TMC2: variants seen among roughly 807,000 people sequenced by gnomAD.
The protein encoded by TMC2 is transmembrane channel-like protein 2.
Under a neutral mutation model 105.9 loss-of-function variants are expected in TMC2, and 102 were observed. The ratio of observed to expected loss-of-function variants is 0.96; its 90% CI spans 0.82 to 1.14. The LOEUF is 1.14. TMC2 is among the 50% of genes most tolerant of loss of function. The pLI is 0.00. For synonymous variants in TMC2, 402 were observed against 422.8 expected, an observed-to-expected ratio of 0.95 and a Z score of 0.60; for missense variants, 1,093 against 1,134.3, an observed-to-expected ratio of 0.96 and a Z score of 0.52.
chr20:2,584,443 C>CA (rs1161913633), intron 7 of TMC2, among the ~76,000 whole-genome samples: 7,849 of 69,782 alleles, frequency 0.11, 343 homozygotes, highest in Non-Finnish European at 0.17. Context: ...GACTCCGTCT[C>CA]AAAAAAAAAA....
intron 17 of TMC2, among the ~76,000 whole-genome samples, chr20:2,630,360 T>C (rs1315088160): frequency 6.6e-6 from 1 of 152,228 alleles, no homozygotes; most frequent in East Asian, 1.9e-4. Flanking sequence ...GCTTCGTATG[T>C]TTTAAGGCTG....
At chr20:2,606,891 C>CTTTTTTTTTTTTTTTTT (rs11476357) in intron 11 of TMC2, among the ~76,000 whole-genome samples, 27 of 83,970 alleles carry the variant, frequency 3.2e-4, no homozygotes, top group East Asian at 6.8e-4. Context: ...TTTCTTTTTT[C>CTTTTTTTTTTTTTTTTT]TTTTTTTTTT....
In TMC2 at chr20:2,579,967, G is replaced by A. The variant is rs201888815; in HGVS notation, c.745G>A (p.Val249Met). ...CTCTCTAGGTCACTTTGGTTCTTCA[G>A]TGGCATCGTATTTCATCTTTCTCCG... ...KDIESHFGSSVASYFIFLRWM... is the reference protein window; with the variant it reads ...KDIESHFGSSMASYFIFLRWM... Residue 249 changes from valine (V) to methionine (M), a missense_variant, in exon 7 of 20, where the codon GTG becomes ATG. By Grantham distance (21) the Val-to-Met change is conservative. Coordinates refer to ENST00000358864, the MANE Select transcript of TMC2 (RefSeq NM_080751.3). 1.9e-6 allele frequency: 3 copies of A among 1,613,906 alleles called. No homozygotes were observed. The highest frequency in any genetic ancestry group is 2.2e-5 in the East Asian group (1 of 44,838).
chr20:2,634,229 T>C (rs1282476866), intron 17 of TMC2, among the ~76,000 whole-genome samples: 1 of 152,202 alleles, frequency 6.6e-6, no homozygotes, highest in Non-Finnish European at 1.5e-5. Flanking sequence ...GCTGCCAGCC[T>C]GGAGGGGAAC....
rs755799848 is a variant in TMC2, at chr20:2,624,326, A to G, written c.2236A>G (p.Thr746Ala). Residue 746 changes from threonine (T) to alanine (A), a missense_variant, in exon 17 of 20, where the codon ACC becomes GCC. Thr to Ala is a moderately conservative substitution (Grantham distance 58). Coordinates refer to ENST00000358864, the MANE Select transcript of TMC2 (RefSeq NM_080751.3). ...AGAGACCATTGAAAACGATTTCCCA[A>G]CCTTCCTGGGCAAGATCTTTGCTTT... Reference protein sequence around the residue: ...LQETIENDFPTFLGKIFAFLA... With the variant: ...LQETIENDFPAFLGKIFAFLA... 1.9e-6 allele frequency: 3 copies of G among 1,614,136 alleles called. No homozygotes were observed. The highest frequency in any genetic ancestry group is 4.5e-5 in the East Asian group (2 of 44,876).
At chr20:2,612,449 T>C (rs1358736079) in intron 13 of TMC2, 109 bp downstream of exon 13, 1 of 1,087,208 alleles carries the variant, frequency 9.2e-7, no homozygotes, top group African/African-American at 1.6e-5. Context: ...CAGCTGTTCA[T>C]CCAGCAAACA....
At chr20:2,603,611 T>G (rs2086367441) in intron 11 of TMC2, among the ~76,000 whole-genome samples, 1 of 152,178 alleles carries the variant, frequency 6.6e-6, no homozygotes, top group Non-Finnish European at 1.5e-5. Flanking sequence ...CTAGGTTATT[T>G]GGATCAAGTA....
At chr20:2,564,811 G>C (rs2086052976) in intron 4 of TMC2, among the ~76,000 whole-genome samples, 1 of 152,122 alleles carries the variant, frequency 6.6e-6, no homozygotes, top group South Asian at 2.1e-4. Context: ...ACTGGAGTGG[G>C]CCTCCCCAGC....
chr20:2,640,593 G>A (rs2146277061), intron 19 of TMC2, among the ~76,000 whole-genome samples: 1 of 152,218 alleles, frequency 6.6e-6, no homozygotes, highest in African/African-American at 2.4e-5. Flanking sequence ...ACCTGGATGT[G>A]GTCCCATCAA....
chr20:2,589,463 T>C (rs1568515768), intron 7 of TMC2, among the ~76,000 whole-genome samples: 2 of 152,120 alleles, frequency 1.3e-5, no homozygotes, highest in Non-Finnish European at 1.5e-5. Context: ...TATTCCAAAG[T>C]TGCTGCATAC....
intron 17 of TMC2, 46 bp downstream of exon 17, chr20:2,624,442 T>A: frequency 6.3e-7 from 1 of 1,585,052 alleles, no homozygotes. Flanking sequence ...AAACTTCTCC[T>A]TGAATTTGAG....
At chr20:2,626,941 C>T (rs1013891183) in intron 17 of TMC2, among the ~76,000 whole-genome samples, 1 of 152,238 alleles carries the variant, frequency 6.6e-6, no homozygotes, top group African/African-American at 2.4e-5. Flanking sequence ...TGAGCTTCTA[C>T]AGCCCTTCGT....
intron 7 of TMC2, among the ~76,000 whole-genome samples, chr20:2,586,787 A>G (rs1292074719): frequency 2.0e-5 from 3 of 152,312 alleles, no homozygotes; most frequent in East Asian, 3.9e-4. Flanking sequence ...TGGAAGGGAC[A>G]TTCAAATGAC....
intron 2 of TMC2, among the ~76,000 whole-genome samples, chr20:2,545,853 G>A (rs201227027): frequency 3.1e-4 from 19 of 60,454 alleles, no homozygotes; most frequent in Non-Finnish European, 5.9e-4. Flanking sequence ...AAGAAAGAAA[G>A]AGAAAGAAAG....
intron 2 of TMC2, among the ~76,000 whole-genome samples, chr20:2,540,229 T>C (rs1600091990): frequency 6.6e-6 from 1 of 151,730 alleles, no homozygotes; most frequent in African/African-American, 2.4e-5. Context: ...TACCTCGTGA[T>C]CCACCCGCCT....
rs142059282 is a variant in TMC2, at chr20:2,567,320, A to G, written c.555-4859A>G. 3.7e-3 allele frequency among the ~76,000 whole-genome samples: 570 copies of G among 152,310 alleles called. 4 individuals carry two copies. Among genetic ancestry groups the G allele is most frequent in the African/African-American group, 0.013 (530 of 41,546 alleles). ...ACCTGGACTTTCACCCCCACCTGGAAGTAATCAGGCAACATTACCTACAAC... is the reference window on the plus strand; with the variant it reads ...ACCTGGACTTTCACCCCCACCTGGAGGTAATCAGGCAACATTACCTACAAC... On this transcript the variant is annotated intron_variant, in intron 4 of 19. Transcript: ENST00000358864.
At chr20:2,563,460 C>A (rs1056275148) in intron 4 of TMC2, among the ~76,000 whole-genome samples, 1 of 152,170 alleles carries the variant, frequency 6.6e-6, no homozygotes. Context: ...GCCACTACCA[C>A]GTGTGGTTAC....
At chr20:2,581,464 C>T (rs1011460769) in intron 7 of TMC2, among the ~76,000 whole-genome samples, 1 of 152,218 alleles carries the variant, frequency 6.6e-6, no homozygotes, top group African/African-American at 2.4e-5. Context: ...TTTTAAACGT[C>T]ACTGTCAAGC....
intron 9 of TMC2, among the ~76,000 whole-genome samples, chr20:2,595,956 G>A (rs1390859347): frequency 6.6e-6 from 1 of 152,210 alleles, no homozygotes; most frequent in Non-Finnish European, 1.5e-5. Flanking sequence ...GCCCTATCAG[G>A]CAAAAGGAAA....
Sources: allele counts gnomAD v4.1 joint callset (sites outside exome capture counted in the v4.1 genomes callset), GRCh38; gene constraint gnomAD v4.1.1; transcripts MANE v1.5; gene names NCBI Gene and HGNC (gene_info 2026-07-23, HGNC 2026-07-21).